The following FAT2 variants were observed in gnomAD, a reference collection of about 807,000 sequenced individuals.
FAT2 encodes FAT atypical cadherin 2.
A neutral mutation model predicts 295.3 loss-of-function variants in FAT2; 150 were observed. The ratio of observed to expected loss-of-function variants is 0.51; its 90% CI spans 0.44 to 0.58. The LOEUF (loss-of-function observed/expected upper bound fraction) is 0.58, where lower values mean the gene tolerates loss of function less well. Among genes scored for constraint, FAT2 ranks in the 20% least tolerant of loss-of-function variants. The pLI, the probability that FAT2 is intolerant of heterozygous loss-of-function variation, is 0.00. For synonymous variants in FAT2, 2,026 were observed against 2,150.3 expected (o/e 0.94, Z 1.60); for missense variants, 4,868 against 5,442.7 (o/e 0.89, Z 3.32).
intron 1 of FAT2, among the ~76,000 whole-genome samples, chr5:151,571,970 G>A (rs1561881644): frequency 6.6e-6 from 1 of 152,146 alleles, no homozygotes; most frequent in Non-Finnish European, 1.5e-5. Flanking sequence ...ACCCAGACCT[G>A]CCTCGGGGCC....
rs1366913600 is a variant in FAT2 at position 151,568,380 on chromosome 5, A to G, written c.552T>C (p.Tyr184=). The change falls in exon 2 of 24, where the codon TAT becomes TAC. Residue 184 remains tyrosine (Y), a synonymous_variant. Transcript: ENST00000261800. ...DADLGQNAEF[Y]YAFNTRSEMF... ...TCTCTGACCTTGTGTTAAAGGCATA[A>G]TAGAACTCAGCATTCTGGCCTAGAT... 3 of 1,614,210 alleles carry G rather than the reference A, an allele frequency of 1.9e-6. No homozygotes were observed.
rs926326028 is a variant in FAT2 at position 151,505,600 on chromosome 5, T to G, written c.13015A>C (p.Ser4339Arg). 6.2e-7 allele frequency: 1 copy of G among 1,614,008 alleles called. No homozygotes were observed. Among genetic ancestry groups the G allele is most frequent in the African/African-American group, 1.3e-5 (1 of 75,008 alleles). Reference sequence around the variant, plus strand: ...ACCTCCTCACAGCTGCCATAATCACTCTCCACCATGTCAGAGCCCTCATAG... The same window carrying G: ...ACCTCCTCACAGCTGCCATAATCACGCTCCACCATGTCAGAGCCCTCATAG... ...PNYEGSDMVE[S>R]DYGSCEEVMF Residue 4339 changes from serine (S) to arginine (R), a missense_variant, in exon 24 of 24, where the codon AGT becomes CGT. Coordinates refer to ENST00000261800, the MANE Select transcript of FAT2 (RefSeq NM_001447.3).
rs1308366635 is a variant in FAT2, at chr5:151,568,019, A to G, written c.913T>C (p.Ser305Pro). The change falls in exon 2 of 24, where the codon TCT becomes CCT. Residue 305 changes from serine to proline, a missense_variant. Physicochemically the swap from Ser to Pro is moderately conservative, Grantham distance 74. Around this residue, in one of 5 missense-constraint regions of FAT2, gnomAD observed 3,297 missense variants for 3,669.4 expected, o/e 0.90. Transcript: ENST00000261800. ...CTGAACTCATTGCTCCGGGCATAAGACTTGATGGCTTTGAAGTGCTTTCCA... is the reference window on the plus strand; with the variant it reads ...CTGAACTCATTGCTCCGGGCATAAGGCTTGATGGCTTTGAAGTGCTTTCCA... ...DPGKHFKAIK[S>P]YARSNEFSLV... 2.0e-5 allele frequency: 33 copies of G among 1,614,164 alleles called. No homozygotes were observed. The highest frequency in any genetic ancestry group is 2.7e-5 in the Non-Finnish European group (32 of 1,180,014).
chr5:151,507,234 G>T lies in FAT2; in HGVS notation c.12437C>A (p.Pro4146His). Reference protein sequence around the residue: ...KQRPVVCSVPPRLPPAAVPSH... With the variant: ...KQRPVVCSVPHRLPPAAVPSH... Reference sequence around the variant, plus strand: ...AGGGACCGCAGCTGGCGGGAGTCTGGGGGGCACACTGCAGACCACTGGCCG... The same window carrying T: ...AGGGACCGCAGCTGGCGGGAGTCTGTGGGGCACACTGCAGACCACTGGCCG... The change falls in exon 23 of 24, where the codon CCC becomes CAC. Residue 4146 changes from proline (P) to histidine (H), a missense_variant. Transcript: ENST00000261800. 2 of 1,613,958 alleles carry T rather than the reference G, an allele frequency of 1.2e-6. No homozygotes were observed. The highest frequency in any genetic ancestry group is 1.7e-6 in the Non-Finnish European group (2 of 1,179,862).
chr5:151,506,504 A>C (rs1760887550), intron 23 of FAT2, among the ~76,000 whole-genome samples: 1 of 152,172 alleles, frequency 6.6e-6, no homozygotes, highest in South Asian at 2.1e-4. Context: ...TATCATGGAG[A>C]GTGATGAAAT....
At position 151,544,347 on chromosome 5, in the gene FAT2, G is replaced by T. The variant is rs750217884; in HGVS notation, c.6780C>A (p.Val2260=). 3 of 1,614,078 alleles carry T rather than the reference G, an allele frequency of 1.9e-6. No individual in the cohort carries two copies. Among genetic ancestry groups the T allele is most frequent in the Admixed American group, 1.7e-5 (1 of 59,998 alleles). The change falls in exon 10 of 24, where the codon GTC becomes GTA. Residue 2260 remains valine, a synonymous_variant. Coordinates refer to ENST00000261800, the MANE Select transcript of FAT2 (RefSeq NM_001447.3). The part of the protein sequence containing the change: ...LGSFSEATVE[V]LVEDVNDNPP... ...GGTTATCATTGACATCCTCCACTAG[G>T]ACTTCCACTGTGGCTTCAGAAAATG... is the stretch of plus-strand genomic sequence containing the variant.
At position 151,531,076 on chromosome 5, in the gene FAT2, G is replaced by A. The variant is rs988901964; in HGVS notation, c.9811+511C>T. On this transcript the variant is annotated intron_variant, in intron 14 of 23. Coordinates refer to ENST00000261800, the MANE Select transcript of FAT2 (RefSeq NM_001447.3). This position sits in a 1 kb window ranked among gnomAD's most constrained non-coding sequence, Gnocchi z 5.7. ...GTGAACCTGACTTTGAGTCTTCTGTGGCTAGTAGGAAAGAAGTGAGACGGT... is the reference window on the plus strand; with the variant it reads ...GTGAACCTGACTTTGAGTCTTCTGTAGCTAGTAGGAAAGAAGTGAGACGGT... Among the ~76,000 whole-genome samples, 1 of 152,094 alleles carries A rather than the reference G, an allele frequency of 6.6e-6. No homozygotes were observed. The highest frequency in any genetic ancestry group is 1.5e-5 in the Non-Finnish European group (1 of 68,004).
At chr5:151,525,712 T>C (rs1256340251) in intron 18 of FAT2, 56 bp downstream of exon 18, 1 of 1,597,784 alleles carries the variant, frequency 6.3e-7, no homozygotes, top group African/African-American at 1.3e-5. Context: ...GTGGGGCTTT[T>C]GCCAGCATCT....
intron 1 of FAT2, among the ~76,000 whole-genome samples, chr5:151,589,077 T>TA (rs1759295929): frequency 6.6e-6 from 1 of 152,130 alleles, no homozygotes; most frequent in South Asian, 2.1e-4. Context: ...GAAATACTAG[T>TA]ATTGAGGCTC....
Position 151,505,761 on chromosome 5 carries a change from C to A in FAT2, c.12854G>T (p.Gly4285Val), listed in dbSNP as rs149865780. 15 of 1,613,690 alleles carry A rather than the reference C, an allele frequency of 9.3e-6. No individual in the cohort carries two copies. The highest frequency in any genetic ancestry group is 2.7e-5 in the African/African-American group (2 of 74,918). ...SYYHSQFRQG[G>V]GGPCLADGGY... is the part of the protein sequence containing the mutation. The stretch of plus-strand genomic sequence containing the variant: ...CCCGTCTGCCAGGCAGGGCCCTCCC[C>A]CTCCCTGCCGGAACTGCGAGTGGTA... Residue 4285 changes from glycine to valine, a missense_variant, in exon 24 of 24, where the codon GGG (glycine) becomes GTG (valine). Gly to Val is a moderately radical substitution (Grantham distance 109). Around this residue, in one of 5 missense-constraint regions of FAT2, gnomAD observed 492 missense variants for 482.6 expected, o/e 1.02. Transcript: ENST00000261800.
intron 1 of FAT2, among the ~76,000 whole-genome samples, chr5:151,571,234 C>A (rs1177619194): frequency 6.6e-6 from 1 of 152,070 alleles, no homozygotes; most frequent in Non-Finnish European, 1.5e-5. Context: ...ACCCAGCCCC[C>A]ACAAGCAGAA....
In FAT2 at chr5:151,525,848, G is replaced by A. The variant is rs377026428; in HGVS notation, c.10426C>T (p.Arg3476Ter). The A allele has an allele frequency of 1.9e-6, 3 of 1,613,936 alleles. No homozygotes were observed. Among genetic ancestry groups the A allele is most frequent in the East Asian group, 2.2e-5 (1 of 44,886 alleles). The change falls in exon 18 of 24, where the codon CGA (arginine) becomes TGA (stop). Residue 3476 changes from arginine to a stop codon, truncating the protein, a stop_gained. Transcript: ENST00000261800. LOFTEE classifies it high-confidence loss of function. ...ACCAGCCATCCATCCGGGGTCACTCGGAAGGCAGAGCCGTTGTTCCCCTTG... is the reference window on the plus strand; with the variant it reads ...ACCAGCCATCCATCCGGGGTCACTCAGAAGGCAGAGCCGTTGTTCCCCTTG... ...ITKGNNGSAFRVTPDGWLVTA... is the reference protein window; with the variant it reads ...ITKGNNGSAF
intron 10 of FAT2, among the ~76,000 whole-genome samples, chr5:151,541,587 G>T (rs1029342471): frequency 6.6e-6 from 1 of 152,116 alleles, no homozygotes; most frequent in African/African-American, 2.4e-5. Context: ...CTGGGGATGA[G>T]AAAAAAAGGC....
At chr5:151,527,469 A>C in intron 16 of FAT2, 92 bp from the exon 17 acceptor site, 1 of 1,322,390 alleles carries the variant, frequency 7.6e-7, no homozygotes, top group Non-Finnish European at 1.0e-6. Context: ...AAAAAAAATA[A>C]GAAGGAGACA....
In FAT2 at chr5:151,543,630, C is replaced by T. The variant is rs763687825; in HGVS notation, c.7497G>A (p.Lys2499=). 4 of 1,614,068 alleles carry T rather than the reference C, an allele frequency of 2.5e-6. No homozygotes were observed. The highest frequency in any genetic ancestry group is 2.2e-5 in the South Asian group (2 of 91,084). The part of the protein sequence containing the change: ...ELAENAMVGT[K]VIDLLAIDKD... The stretch of plus-strand genomic sequence containing the variant: ...TGTCTATGGCTAGCAAATCAATCAC[C>T]TTGGTTCCAACCATTGCATTCTCTG... The change falls in exon 10 of 24, where the codon AAG becomes AAA. Residue 2499 remains lysine, a synonymous_variant. Coordinates refer to ENST00000261800, the MANE Select transcript of FAT2 (RefSeq NM_001447.3).
At chr5:151,539,793 C>A (rs1046417476) in intron 11 of FAT2, among the ~76,000 whole-genome samples, 1 of 152,220 alleles carries the variant, frequency 6.6e-6, no homozygotes, top group Non-Finnish European at 1.5e-5. Context: ...CCTCTCCTGA[C>A]AAACACACAT....
At position 151,546,345 on chromosome 5, in the gene FAT2, A is replaced by G. The variant is rs753465044; in HGVS notation, c.4790-8T>C. 1.9e-6 allele frequency: 3 copies of G among 1,604,900 alleles called. No homozygotes were observed. The highest frequency in any genetic ancestry group is 2.6e-6 in the Non-Finnish European group (3 of 1,175,256). On this transcript the variant is annotated splice_polypyrimidine_tract_variant and splice_region_variant and intron_variant, in intron 9 of 23. Transcript: ENST00000261800. The stretch of plus-strand genomic sequence containing the variant: ...AGAAACCTTCGCTGTTCCCTGAAAC[A>G]GAAGACAAGACAAACAAGTTTGCCA...
intron 1 of FAT2, among the ~76,000 whole-genome samples, chr5:151,579,356 G>A (rs1758858894): frequency 6.6e-6 from 1 of 152,184 alleles, no homozygotes; most frequent in East Asian, 1.9e-4. Context: ...AGGATTGCTT[G>A]AAGCCAGAAG....
chr5:151,523,931 T>C (rs1333682715), intron 18 of FAT2, among the ~76,000 whole-genome samples: 5 of 152,088 alleles, frequency 3.3e-5, no homozygotes, highest in Non-Finnish European at 7.4e-5. Flanking sequence ...AATTTAGAAA[T>C]CACCCCTGAA....
Sources: gnomAD v4.1 joint callset for allele counts (sites outside exome capture counted in the v4.1 genomes callset) on GRCh38, gnomAD v4.1.1 for gene constraint, gnomAD v4.1.1 regional missense constraint, Gnocchi (gnomAD v3.1) non-coding constraint, MANE v1.5 for transcripts, NCBI Gene and HGNC (gene_info 2026-07-23, HGNC 2026-07-21) for gene names.